Variants in RBM33 observed in about 807,000 individuals in gnomAD.
RBM33 encodes RNA-binding protein 33.
Under a neutral mutation model 132.6 loss-of-function variants are expected in RBM33, and 28 were observed. The ratio of observed to expected loss-of-function variants is 0.21; its 90% confidence interval spans 0.16 to 0.29. The LOEUF (loss-of-function observed/expected upper bound fraction) is 0.29. RBM33 is among the 10% of genes least tolerant of loss of function. The probability of loss-of-function intolerance (pLI) is 1.00; values close to 1 mark genes in which losing one functional copy is unlikely to be tolerated. For synonymous variants in RBM33, 634 were observed against 593.0 expected (o/e 1.07, Z -1.01); for missense variants, 1,291 against 1,518.5 (o/e 0.85, Z 2.49).
intron 7 of RBM33, among the ~76,000 whole-genome samples, chr7:155,710,003 T>C (rs1234083483): frequency 2.0e-5 from 3 of 152,218 alleles, no homozygotes; most frequent in Non-Finnish European, 2.9e-5. Flanking sequence ...TATTAGATGG[T>C]CTCCTTCCGT....
In RBM33 at chr7:155,739,739, C is replaced by G; in HGVS notation, c.1762C>G (p.Pro588Ala). Residue 588 changes from proline (P) to alanine (A), a missense_variant, in exon 12 of 18, where the codon CCT becomes GCT. Pro to Ala is a conservative substitution (Grantham distance 27, BLOSUM62 -1). Around this residue, in one of 7 missense-constraint regions of RBM33, gnomAD observed 841 missense variants for 912.0 expected, o/e 0.92. Transcript: ENST00000401878. Reference sequence around the variant, plus strand: ...GGGGCCGTTGCATCCTCCATTGCCCCCTCCGCATCAGCCTCAGCCTCAGCA... The same window carrying G: ...GGGGCCGTTGCATCCTCCATTGCCCGCTCCGCATCAGCCTCAGCCTCAGCA... ...LQGPLHPPLP[P>A]PHQPQPQQPQ... The G allele has an allele frequency of 6.5e-7, 1 of 1,548,116 alleles. No individual in the cohort carries two copies. The highest frequency in any genetic ancestry group is 2.0e-5 in the Admixed American group (1 of 50,762).
chr7:155,745,588 A>C lies in RBM33; in HGVS notation c.2965A>C (p.Lys989Gln). 6.3e-7 allele frequency: 1 copy of C among 1,590,776 alleles called. No individual in the cohort carries two copies. The highest frequency in any genetic ancestry group is 8.6e-7 in the Non-Finnish European group (1 of 1,166,364). Residue 989 changes from lysine (K) to glutamine (Q), a missense_variant, in exon 14 of 18, where the codon AAG becomes CAG. Lys to Gln is a moderately conservative substitution (Grantham distance 53). Around this residue, in one of 7 missense-constraint regions of RBM33, gnomAD observed 841 missense variants for 912.0 expected, o/e 0.92. Coordinates refer to ENST00000401878, the MANE Select transcript of RBM33 (RefSeq NM_053043.3). This position sits in a 1 kb window ranked among gnomAD's most constrained non-coding sequence, Gnocchi z 4.1. ...PHISSKVRVI[K>Q]LSGGGGESDG... is the part of the protein sequence containing the mutation. ...CATCAGCTCCAAGGTCAGGGTGATT[A>C]AGCTGTCAGGTGGGGTAAGTTGACA...
intron 9 of RBM33, among the ~76,000 whole-genome samples, chr7:155,732,345 G>A (rs779966833): frequency 6.6e-6 from 1 of 152,206 alleles, no homozygotes; most frequent in Non-Finnish European, 1.5e-5. Context: ...GGGTTAAGTG[G>A]AAATAGCCTC....
In RBM33 at chr7:155,644,917, G is replaced by C. The variant is rs1273341566; in HGVS notation, c.41G>C (p.Gly14Ala). The C allele has an allele frequency of 1.3e-6, 2 of 1,497,798 alleles. No individual in the cohort carries two copies. The highest frequency in any genetic ancestry group is 1.8e-6 in the Non-Finnish European group (2 of 1,129,470). The allele number at this position is 1,497,798 out of a possible 1,614,324, so 92.8% of individuals were successfully genotyped here. ...ALGASGGAGA[G>A]DDDFDQFDKP... ...GGAGCGAGCGGAGGAGCAGGCGCCG[G>C]AGGTACGTGAGGCAGCCGGACTCTG... Residue 14 changes from glycine (G) to alanine (A), a missense_variant and splice_region_variant, in exon 1 of 18, where the codon GGA becomes GCA. Around this residue, in one of 7 missense-constraint regions of RBM33, gnomAD observed 194 missense variants for 249.8 expected, o/e 0.78. Transcript: ENST00000401878.
chr7:155,745,988 A>G lies in RBM33; in HGVS notation c.2979+386A>G, dbSNP rs942313092. Among the ~76,000 whole-genome samples, 2 of 152,214 alleles carry G rather than the reference A, an allele frequency of 1.3e-5. No individual in the cohort carries two copies. The highest frequency in any genetic ancestry group is 2.4e-5 in the African/African-American group (1 of 41,462). On this transcript the variant is annotated intron_variant, in intron 14 of 17. Transcript: ENST00000401878. This position sits in a 1 kb window ranked among gnomAD's most constrained non-coding sequence, Gnocchi z 4.1. ...GTAGTTGTGTGTCGAAATGTATCTT[A>G]GTGAAGGTACAGTAAAAATACAGTG...
chr7:155,695,559 A>G (rs1799767619), intron 5 of RBM33, among the ~76,000 whole-genome samples: 1 of 152,052 alleles, frequency 6.6e-6, no homozygotes, highest in African/African-American at 2.4e-5. Context: ...TCCTGGGTTC[A>G]TGTGATTCTC....
intron 9 of RBM33, among the ~76,000 whole-genome samples, chr7:155,733,497 C>T (rs1554481213): frequency 3.4e-5 from 3 of 88,290 alleles, no homozygotes; most frequent in South Asian, 3.1e-4. Context: ...TAAGTTTTAG[C>T]TTCCTCACTG....
chr7:155,680,797 A>G lies in RBM33; in HGVS notation c.456A>G (p.Glu152=). 5.0e-6 allele frequency: 8 copies of G among 1,613,886 alleles called. No homozygotes were observed. Among genetic ancestry groups the G allele is most frequent in the Non-Finnish European group, 6.8e-6 (8 of 1,179,824 alleles). The change falls in exon 5 of 18, where the codon GAA becomes GAG. Residue 152 remains glutamate, a synonymous_variant. Transcript: ENST00000401878. ...AAGAAGGACAGTATGAAGGCCACGA[A>G]GCTGAGTTGACAGAAGACCAAATAG... ...YPEEGQYEGH[E]AELTEDQIEY...
chr7:155,646,750 C>T (rs950140814), intron 1 of RBM33, among the ~76,000 whole-genome samples: 2 of 152,158 alleles, frequency 1.3e-5, no homozygotes, highest in African/African-American at 4.8e-5. Flanking sequence ...GAACGTTTAT[C>T]TTAATTTGTA....
chr7:155,660,701 G>C (rs777727011), intron 1 of RBM33, among the ~76,000 whole-genome samples: 1 of 152,090 alleles, frequency 6.6e-6, no homozygotes, highest in Admixed American at 6.5e-5. Context: ...TTTTGACTAC[G>C]TTGTGTGTGT....
chr7:155,661,144 A>ATTTTT (rs1276158233), intron 1 of RBM33, among the ~76,000 whole-genome samples: 1 of 40,700 alleles, frequency 2.5e-5, no homozygotes, highest in African/African-American at 8.0e-5. Flanking sequence ...ATATATATAT[A>ATTTTT]TATTTTTTTT....
chr7:155,647,295 G>A (rs888038523), intron 1 of RBM33, among the ~76,000 whole-genome samples: 1 of 152,138 alleles, frequency 6.6e-6, no homozygotes, highest in Non-Finnish European at 1.5e-5. Flanking sequence ...CAAAATGTTC[G>A]AGATTGTCAG....
intron 2 of RBM33, among the ~76,000 whole-genome samples, 192 bp downstream of exon 2, chr7:155,665,445 G>A (rs1196535066): frequency 6.6e-6 from 1 of 152,202 alleles, no homozygotes; most frequent in South Asian, 2.1e-4. Flanking sequence ...TTCCAGGCCT[G>A]TGTTGTGTGG....
intron 6 of RBM33, among the ~76,000 whole-genome samples, chr7:155,704,477 G>C (rs921070067): frequency 1.3e-5 from 2 of 152,186 alleles, no homozygotes; most frequent in Admixed American, 1.3e-4. Flanking sequence ...GCATGTGTAA[G>C]GAATGGTTCA....
chr7:155,714,681 C>T (rs1428837897), intron 8 of RBM33, among the ~76,000 whole-genome samples: 2 of 152,082 alleles, frequency 1.3e-5, no homozygotes, highest in African/African-American at 4.8e-5. Context: ...GCCATTAGAG[C>T]GAGAAGGTGA....
At chr7:155,662,110 G>T (rs993651362) in intron 1 of RBM33, among the ~76,000 whole-genome samples, 2 of 152,010 alleles carry the variant, frequency 1.3e-5, no homozygotes, top group Non-Finnish European at 2.9e-5. Flanking sequence ...ATGTTGCTCC[G>T]CAGTGACCAC....
At chr7:155,714,543 C>G (rs944211851) in intron 8 of RBM33, among the ~76,000 whole-genome samples, 2 of 152,138 alleles carry the variant, frequency 1.3e-5, no homozygotes, top group African/African-American at 4.8e-5. Context: ...CAGTGTGGTG[C>G]TGGGGCATGT....
In RBM33 at chr7:155,780,387, T is replaced by C. The variant is rs1802775934; in HGVS notation, c.*5346T>C. 6.6e-6 allele frequency: 1 copy of C among 152,242 alleles called. No homozygotes were observed. The highest frequency in any genetic ancestry group is 2.4e-5 in the African/African-American group (1 of 41,456). 9.4% of individuals were successfully genotyped at this position (152,242 alleles called of 1,614,324 possible). ...ACTCTGGGGCTTTAATTCCACTGTTTAATTTTCAGGTACCACAGCAGCAAA... is the reference window on the plus strand; with the variant it reads ...ACTCTGGGGCTTTAATTCCACTGTTCAATTTTCAGGTACCACAGCAGCAAA... On this transcript the variant is annotated 3_prime_UTR_variant, in exon 18 of 18. Coordinates refer to ENST00000401878, the MANE Select transcript of RBM33 (RefSeq NM_053043.3).
intron 8 of RBM33, among the ~76,000 whole-genome samples, chr7:155,716,316 G>GTTTTTTTTT (rs59289310): frequency 0.052 from 5,292 of 102,110 alleles, 484 homozygotes; most frequent in East Asian, 0.11. Context: ...CTTTTCTGCT[G>GTTTTTTTTT]TTTTTTTTTT....
Sources: allele counts gnomAD v4.1 joint callset (sites outside exome capture counted in the v4.1 genomes callset), GRCh38; gene constraint gnomAD v4.1.1; regional missense constraint gnomAD v4.1.1; non-coding constraint Gnocchi (gnomAD v3.1); transcripts MANE v1.5; gene names NCBI Gene and HGNC (gene_info 2026-07-23, HGNC 2026-07-21).